The following PBX3 variants were observed in gnomAD, a reference collection of about 807,000 sequenced individuals.
PBX3 encodes PBX homeobox 3.
Under a neutral mutation model 48.5 loss-of-function variants are expected in PBX3, and 14 were observed. That is an observed-to-expected ratio of 0.29 (90% CI 0.19 to 0.45). The LOEUF (loss-of-function observed/expected upper bound fraction) is 0.45. Among genes scored for constraint, PBX3 ranks in the 20% least tolerant of loss-of-function variants. PBX3 has a pLI of 1.00. For missense variants in PBX3, 386 were observed against 546.7 expected (o/e 0.71, Z 2.93); for synonymous variants, 210 against 200.3 (o/e 1.05, Z -0.41).
rs563121530 is a variant in PBX3, at chr9:125,861,304, A to G, written c.275-54382A>G. Reference sequence around the variant, plus strand: ...ATAAAGTGAGACCCTGTCTCCAAATAATAATAATAATAATAATAATGATAA... The same window carrying G: ...ATAAAGTGAGACCCTGTCTCCAAATGATAATAATAATAATAATAATGATAA... On this transcript the variant is annotated intron_variant, in intron 2 of 8. Coordinates refer to ENST00000373489, the MANE Select transcript of PBX3 (RefSeq NM_006195.6). 1.9e-4 allele frequency among the ~76,000 whole-genome samples: 27 copies of G among 144,976 alleles called. 2 individuals carry two copies. The South Asian group carries it at 5.0e-3, about 27-fold the overall frequency.
chr9:125,895,958 A>C (rs1041343364), intron 2 of PBX3, among the ~76,000 whole-genome samples: 1 of 152,024 alleles, frequency 6.6e-6, no homozygotes, highest in Admixed American at 6.6e-5. Flanking sequence ...TTTTCCTCTC[A>C]TGTAAATAAA....
chr9:125,862,379 T>C (rs1441547685), intron 2 of PBX3, among the ~76,000 whole-genome samples: 1 of 152,116 alleles, frequency 6.6e-6, no homozygotes, highest in Non-Finnish European at 1.5e-5. Context: ...AGAAAATTAA[T>C]AGTGGAGTAC....
intron 2 of PBX3, among the ~76,000 whole-genome samples, chr9:125,794,036 G>A (rs1017233068): frequency 6.6e-6 from 1 of 151,948 alleles, no homozygotes; most frequent in Non-Finnish European, 1.5e-5. Flanking sequence ...TACAATTTTT[G>A]TTTTCTTACA....
intron 2 of PBX3, among the ~76,000 whole-genome samples, chr9:125,888,946 ATG>A (rs1840568475): frequency 6.6e-6 from 1 of 152,066 alleles, no homozygotes; most frequent in South Asian, 2.1e-4. Context: ...TGAAGTGAAA[ATG>A]TTTTTCCAAA....
chr9:125,962,271 T>G, intron 7 of PBX3, 57 bp downstream of exon 7: 1 of 981,222 alleles, frequency 1.0e-6, no homozygotes, highest in East Asian at 2.4e-5. Flanking sequence ...GGCTCAAAAC[T>G]CCTTCCTCTG....
At chr9:125,766,667 T>C (rs943999177) in intron 2 of PBX3, among the ~76,000 whole-genome samples, 2 of 152,148 alleles carry the variant, frequency 1.3e-5, no homozygotes, top group African/African-American at 4.8e-5. Context: ...GAATATTTTG[T>C]TCATTTTGAC....
At chr9:125,767,941 G>A (rs56850393) in intron 2 of PBX3, among the ~76,000 whole-genome samples, 5,488 of 152,196 alleles carry the variant, frequency 0.036, 346 homozygotes, top group African/African-American at 0.12. Flanking sequence ...TCAGGTGCTA[G>A]TAGGACTAGA....
intron 5 of PBX3, among the ~76,000 whole-genome samples, chr9:125,941,040 A>G (rs541521643): frequency 2.6e-5 from 4 of 152,332 alleles, no homozygotes; most frequent in African/African-American, 9.6e-5. Flanking sequence ...GAGTATACAT[A>G]TAAGTAAACA....
At chr9:125,892,641 A>G (rs1478964351) in intron 2 of PBX3, among the ~76,000 whole-genome samples, 2 of 152,220 alleles carry the variant, frequency 1.3e-5, no homozygotes, top group Admixed American at 1.3e-4. Flanking sequence ...TCCTTTTGGT[A>G]TAAAATATGC....
In PBX3 at chr9:125,793,364, AAAATATATAT is replaced by A. The variant is rs891616364; in HGVS notation, c.274+44743_274+44752del. 1.7e-3 allele frequency among the ~76,000 whole-genome samples: 101 copies of A among 59,116 alleles called. 2 individuals carry two copies. Among genetic ancestry groups the A allele is most frequent in the African/African-American group, 4.7e-3 (87 of 18,414 alleles). The allele number at this position is 59,116 out of a possible 152,430, so 38.8% of individuals were successfully genotyped here. A position where few individuals can be genotyped will look rare whatever the true frequency, so the allele number is the denominator to read the frequency against. ...GAGACTCCATTTGGGGGGGAAAAAA[AAAATATATAT>A]ATATATATATATATATATTTACTAT... is the stretch of plus-strand genomic sequence containing the variant. On this transcript the variant is annotated intron_variant, in intron 2 of 8. Transcript: ENST00000373489.
chr9:125,760,399 T>G (rs976599352), intron 2 of PBX3, among the ~76,000 whole-genome samples: 2 of 152,118 alleles, frequency 1.3e-5, no homozygotes, highest in Admixed American at 6.5e-5. Flanking sequence ...TATTTTAGTC[T>G]TAGGTTTTTT....
chr9:125,785,128 G>A (rs1837425544), intron 2 of PBX3, among the ~76,000 whole-genome samples: 1 of 152,302 alleles, frequency 6.6e-6, no homozygotes, highest in East Asian at 1.9e-4. Flanking sequence ...CCCTGAGTGA[G>A]ATCTGAATTA....
At chr9:125,919,153 T>C (rs1288751879) in intron 3 of PBX3, among the ~76,000 whole-genome samples, 1 of 152,172 alleles carries the variant, frequency 6.6e-6, no homozygotes, top group African/African-American at 2.4e-5. Context: ...TGGTTTTCTC[T>C]GATTTTCCCA....
chr9:125,782,249 T>G (rs575017914), intron 2 of PBX3, among the ~76,000 whole-genome samples: 22 of 152,284 alleles, frequency 1.4e-4, no homozygotes, highest in African/African-American at 5.1e-4. Flanking sequence ...GGGAAACTCC[T>G]CTTTTTCAAA....
intron 2 of PBX3, among the ~76,000 whole-genome samples, chr9:125,830,902 C>T (rs552820709): frequency 6.6e-6 from 1 of 151,488 alleles, no homozygotes; most frequent in Non-Finnish European, 1.5e-5. Flanking sequence ...TATAAAATTT[C>T]CCCCAAATTC....
intron 2 of PBX3, among the ~76,000 whole-genome samples, chr9:125,802,360 T>TA (rs1020062376): frequency 1.0e-3 from 2 of 1,928 alleles, no homozygotes; most frequent in African/African-American, 6.0e-3. Context: ...CATTAGTGCA[T>TA]TTTTTTTTTT....
intron 2 of PBX3, among the ~76,000 whole-genome samples, chr9:125,816,874 CTCT>C (rs1268534860): frequency 6.6e-6 from 1 of 152,136 alleles, no homozygotes; most frequent in African/African-American, 2.4e-5. Flanking sequence ...TTTACCAGTT[CTCT>C]TCTTTTCTTG....
At chr9:125,831,454 G>A (rs1838959787) in intron 2 of PBX3, among the ~76,000 whole-genome samples, 2 of 149,968 alleles carry the variant, frequency 1.3e-5, no homozygotes, top group African/African-American at 2.5e-5. Context: ...ATGGAGTCTC[G>A]CTCTGTTGCC....
intron 2 of PBX3, among the ~76,000 whole-genome samples, chr9:125,853,876 A>G (rs1489082075): frequency 6.6e-6 from 1 of 152,218 alleles, no homozygotes; most frequent in East Asian, 1.9e-4. Flanking sequence ...AGCTGAAGCT[A>G]TATTTTAGGG....
Sources: allele counts gnomAD v4.1 joint callset (sites outside exome capture counted in the v4.1 genomes callset), GRCh38; gene constraint gnomAD v4.1.1; transcripts MANE v1.5; gene names NCBI Gene and HGNC (gene_info 2026-07-23, HGNC 2026-07-21).